The following PRR16 variants were observed in gnomAD, a reference collection of about 807,000 sequenced individuals.
PRR16 encodes the protein proline rich 16, also known as protein Largen.
A neutral mutation model predicts 18.2 loss-of-function variants in PRR16; 6 were observed. That is an observed-to-expected ratio of 0.33 (90% CI 0.18 to 0.65). PRR16 has a LOEUF of 0.65. PRR16 is among the 30% of genes least tolerant of loss of function. The pLI is 0.74. For missense variants in PRR16, 412 were observed against 376.6 expected (o/e 1.09, Z -0.78); for synonymous variants, 151 against 147.8 (o/e 1.02, Z -0.16).
At chr5:120,501,494 A>T (rs1420197550) in intron 1 of PRR16, among the ~76,000 whole-genome samples, 1 of 152,152 alleles carries the variant, frequency 6.6e-6, no homozygotes, top group African/African-American at 2.4e-5. Flanking sequence ...TTTTTGTAGT[A>T]TATTAAAGAA....
the PRR16 span, among the ~76,000 whole-genome samples, chr5:120,696,348 T>C: frequency 1.1e-4 from 17 of 152,296 alleles, no homozygotes; most frequent in African/African-American, 3.8e-4. Context: ...AAATATGCTT[T>C]TGTAGTGTGC....
chr5:120,636,797 T>C (rs910865810), intron 1 of PRR16, among the ~76,000 whole-genome samples: 3 of 151,976 alleles, frequency 2.0e-5, no homozygotes, highest in African/African-American at 7.2e-5. Context: ...TTAATTAAAC[T>C]AAAAAGCTTC....
At chr5:120,483,844 A>G (rs1055570430) in intron 1 of PRR16, among the ~76,000 whole-genome samples, 1 of 152,144 alleles carries the variant, frequency 6.6e-6, no homozygotes, top group Non-Finnish European at 1.5e-5. Flanking sequence ...AAATACCTAC[A>G]GTTGGTGTAA....
At chr5:120,676,056 A>G (rs1401595726) in intron 1 of PRR16, among the ~76,000 whole-genome samples, 1 of 152,156 alleles carries the variant, frequency 6.6e-6, no homozygotes, top group East Asian at 1.9e-4. Flanking sequence ...TTAAGTATAT[A>G]TCCTCCATAT....
rs911778398 is a variant in PRR16 at position 120,673,756 on chromosome 5, T to C, written c.160-12198T>C. 2.0e-5 allele frequency among the ~76,000 whole-genome samples: 3 copies of C among 151,370 alleles called. No homozygotes were observed. The East Asian group carries it at 5.8e-4, about 29-fold the overall frequency. On this transcript the variant is annotated intron_variant, in intron 1 of 1. Transcript: ENST00000407149. ...GTGTTTGAGACCAGCCTGTGCAACATAGCAGAAACCCATATCTAAAAAAAA... is the reference window on the plus strand; with the variant it reads ...GTGTTTGAGACCAGCCTGTGCAACACAGCAGAAACCCATATCTAAAAAAAA...
intron 1 of PRR16, among the ~76,000 whole-genome samples, chr5:120,490,838 A>C (rs964909702): frequency 2.0e-5 from 3 of 152,074 alleles, no homozygotes; most frequent in African/African-American, 7.2e-5. Flanking sequence ...TTTGGTGTGG[A>C]TGTCCTTTCT....
At chr5:120,709,396 A>C in the PRR16 span, among the ~76,000 whole-genome samples, 1 of 152,126 alleles carries the variant, frequency 6.6e-6, no homozygotes, top group Non-Finnish European at 1.5e-5. Flanking sequence ...TATGGGGTAC[A>C]TGTGACATTT....
intron 1 of PRR16, among the ~76,000 whole-genome samples, chr5:120,632,924 A>G (rs1755106307): frequency 6.6e-6 from 1 of 152,208 alleles, no homozygotes; most frequent in South Asian, 2.1e-4. Context: ...CTAGGCATAT[A>G]GTCATCAGGT....
chr5:120,587,368 A>G (rs879800053), intron 1 of PRR16, among the ~76,000 whole-genome samples: 1 of 152,210 alleles, frequency 6.6e-6, no homozygotes, highest in Admixed American at 6.5e-5. Flanking sequence ...TATTGAAAGA[A>G]GATGCCACCT....
At chr5:120,769,653 T>TA in the PRR16 span, among the ~76,000 whole-genome samples, 2,157 of 152,038 alleles carry the variant, frequency 0.014, 26 homozygotes, top group Non-Finnish European at 0.024. Flanking sequence ...TTATTGCGAC[T>TA]AAAGCTGCTA....
intron 1 of PRR16, among the ~76,000 whole-genome samples, chr5:120,520,190 G>C (rs561568483): frequency 6.6e-6 from 1 of 152,102 alleles, no homozygotes; most frequent in Admixed American, 6.5e-5. Context: ...GATGTCAGGC[G>C]TTCGAGACCA....
At chr5:120,669,212 A>G (rs1045052480) in intron 1 of PRR16, among the ~76,000 whole-genome samples, 4 of 152,082 alleles carry the variant, frequency 2.6e-5, no homozygotes, top group African/African-American at 7.2e-5. Context: ...AATTATTATT[A>G]TTACCCCAGT....
At chr5:120,632,431 C>T (rs1755088181) in intron 1 of PRR16, among the ~76,000 whole-genome samples, 1 of 151,868 alleles carries the variant, frequency 6.6e-6, no homozygotes, top group African/African-American at 2.4e-5. Flanking sequence ...TGAGCTAATC[C>T]AGGAGGCACC....
intron 1 of PRR16, among the ~76,000 whole-genome samples, chr5:120,602,600 T>C (rs1403218856): frequency 6.6e-6 from 1 of 152,108 alleles, no homozygotes; most frequent in Non-Finnish European, 1.5e-5. Context: ...TCCTGTATTA[T>C]GCTGAATAGG....
chr5:120,730,314 G>A, the PRR16 span, among the ~76,000 whole-genome samples: 39 of 152,234 alleles, frequency 2.6e-4, 1 homozygote, highest in East Asian at 6.2e-3. Flanking sequence ...GGAAAACAGA[G>A]ACACACATGG....
the PRR16 span, among the ~76,000 whole-genome samples, chr5:120,784,552 A>G: frequency 1.3e-5 from 2 of 152,180 alleles, no homozygotes; most frequent in African/African-American, 4.8e-5. Context: ...ACAATAATCT[A>G]TAAGGAACTC....
At chr5:120,501,450 C>A (rs1353850351) in intron 1 of PRR16, among the ~76,000 whole-genome samples, 1 of 151,970 alleles carries the variant, frequency 6.6e-6, no homozygotes, top group Non-Finnish European at 1.5e-5. Context: ...TAAATTGAAT[C>A]TTGATGACGA....
the PRR16 span, among the ~76,000 whole-genome samples, chr5:120,758,974 C>CTTTTTTTTTT: frequency 1.8e-5 from 2 of 110,350 alleles, no homozygotes; most frequent in Non-Finnish European, 3.4e-5. Context: ...ACCATAATTT[C>CTTTTTTTTTT]TTTTTTTTTT....
Position 120,586,679 on chromosome 5 carries a change from T to C in PRR16, c.160-99275T>C, listed in dbSNP as rs140831428. ...TTCCAACTAATTGAGAAATGTTGTG[T>C]ATGTTCTGACTACTACACTCATTGG... On this transcript the variant is annotated intron_variant, in intron 1 of 1. Coordinates refer to ENST00000407149, the MANE Select transcript of PRR16 (RefSeq NM_001300783.2). Among the ~76,000 whole-genome samples the C allele has an allele frequency of 1.2e-4, 18 of 152,242 alleles. No homozygotes were observed. In the East Asian group the frequency reaches 3.5e-3, roughly 29 times the overall value.
Sources: allele counts gnomAD v4.1 joint callset (sites outside exome capture counted in the v4.1 genomes callset), GRCh38; gene constraint gnomAD v4.1.1; transcripts MANE v1.5; gene names NCBI Gene and HGNC (gene_info 2026-07-23, HGNC 2026-07-21).